Variants in SMCO4 observed in about 807,000 individuals in gnomAD.
SMCO4 encodes the protein single-pass membrane protein with coiled-coil domains 4, also known as single-pass membrane and coiled-coil domain-containing protein 4.
In SMCO4, 4 loss-of-function variants were observed where a neutral mutation model predicts 3.6. The observed-to-expected ratio is 1.11, with a 90% CI of 0.54 to 2.53. The LOEUF is 2.53. Among genes scored for constraint, SMCO4 ranks in the 30% most tolerant of loss-of-function variants. SMCO4 has a pLI of 0.02. For synonymous variants in SMCO4, 36 were observed against 35.3 expected (o/e 1.02, Z -0.07); for missense variants, 70 against 80.8 (o/e 0.87, Z 0.51).
intron 1 of SMCO4, among the ~76,000 whole-genome samples, chr11:93,505,500 C>A (rs1462273853): frequency 1.3e-5 from 2 of 152,134 alleles, no homozygotes; most frequent in African/African-American, 4.8e-5. Context: ...GTTTCCTCAT[C>A]TGTAAAAATG....
Position 93,531,673 on chromosome 11 carries a change from T to C in SMCO4, c.-154+11603A>G, listed in dbSNP as rs539745662. ...TAATATATTGTACACTTAAAAATGG[T>C]TAAGATGGTAAATTTTATGGGGTTT... On this transcript the variant is annotated intron_variant, in intron 1 of 2. Coordinates refer to ENST00000298966, the MANE Select transcript of SMCO4 (RefSeq NM_020179.3). 7.3e-4 allele frequency among the ~76,000 whole-genome samples: 111 copies of C among 152,272 alleles called. No individual in the cohort carries two copies. The South Asian group carries it at 0.023, about 32-fold the overall frequency.
intron 1 of SMCO4, among the ~76,000 whole-genome samples, chr11:93,530,878 A>G (rs1031898239): frequency 1.1e-4 from 17 of 152,150 alleles, no homozygotes; most frequent in African/African-American, 4.1e-4. Flanking sequence ...CCACTTTTTC[A>G]GCAGTCACCA....
intron 1 of SMCO4, among the ~76,000 whole-genome samples, chr11:93,537,122 C>A (rs1483965121): frequency 6.6e-6 from 1 of 152,250 alleles, no homozygotes; most frequent in African/African-American, 2.4e-5. Flanking sequence ...AAGCCAAAAC[C>A]GGAATCAAGA....
At chr11:93,511,234 G>A (rs1414367195) in intron 1 of SMCO4, among the ~76,000 whole-genome samples, 10 of 152,078 alleles carry the variant, frequency 6.6e-5, no homozygotes, top group Non-Finnish European at 1.5e-4. Context: ...AGGGATAGAC[G>A]ATTCAGCCAA....
At chr11:93,520,853 C>CA (rs1292950776) in intron 1 of SMCO4, among the ~76,000 whole-genome samples, 1 of 151,512 alleles carries the variant, frequency 6.6e-6, no homozygotes, top group African/African-American at 2.4e-5. Context: ...TTCAGCATGT[C>CA]ACGTATTTTC....
chr11:93,479,789 G>A (rs1474374001), intron 2 of SMCO4, among the ~76,000 whole-genome samples: 3 of 152,120 alleles, frequency 2.0e-5, no homozygotes, highest in African/African-American at 4.8e-5. Context: ...CTCTTTGTTG[G>A]TTCCTTGGCC....
At chr11:93,509,088 G>C (rs187661341) in intron 1 of SMCO4, among the ~76,000 whole-genome samples, 1 of 151,946 alleles carries the variant, frequency 6.6e-6, no homozygotes, top group Admixed American at 6.5e-5. Context: ...CCAGGAGTTT[G>C]AGACCAGCCT....
At chr11:93,529,647 G>A (rs932233554) in intron 1 of SMCO4, among the ~76,000 whole-genome samples, 1 of 152,024 alleles carries the variant, frequency 6.6e-6, no homozygotes, top group South Asian at 2.1e-4. Flanking sequence ...TTCCTTTGGA[G>A]GCAAAAAGGA....
intron 1 of SMCO4, among the ~76,000 whole-genome samples, chr11:93,532,114 G>T (rs867497892): frequency 2.0e-5 from 3 of 152,050 alleles, no homozygotes; most frequent in African/African-American, 4.8e-5. Flanking sequence ...TGTCACAGGC[G>T]CATGTCAAAA....
chr11:93,530,103 C>T (rs1949148048), intron 1 of SMCO4, among the ~76,000 whole-genome samples: 1 of 152,224 alleles, frequency 6.6e-6, no homozygotes, highest in Non-Finnish European at 1.5e-5. Flanking sequence ...CCTGGAAGCC[C>T]AGAAGAATCC....
chr11:93,484,663 T>G (rs1948627677), intron 2 of SMCO4, among the ~76,000 whole-genome samples: 1 of 151,486 alleles, frequency 6.6e-6, no homozygotes, highest in Admixed American at 6.6e-5. Flanking sequence ...GAGATGTACA[T>G]GAATCTGGGA....
chr11:93,480,350 C>G (rs554826075), intron 2 of SMCO4, among the ~76,000 whole-genome samples: 1 of 152,170 alleles, frequency 6.6e-6, no homozygotes, highest in Non-Finnish European at 1.5e-5. Flanking sequence ...GCCGAGCCAC[C>G]ATGACCACCC....
chr11:93,544,694 C>T (rs12289503), upstream of SMCO4, among the ~76,000 whole-genome samples: 8,155 of 151,990 alleles, frequency 0.054, 278 homozygotes, highest in Middle Eastern at 0.058. Context: ...GGCAGCAATG[C>T]AGTAGAGTGG....
intron 1 of SMCO4, among the ~76,000 whole-genome samples, chr11:93,500,017 TAA>T (rs1332862106): frequency 2.6e-5 from 4 of 152,074 alleles, no homozygotes; most frequent in Admixed American, 2.6e-4. Flanking sequence ...GCAAAATAAA[TAA>T]GAGTTCCCTT....
At chr11:93,489,573 G>C (rs968363600) in intron 2 of SMCO4, among the ~76,000 whole-genome samples, 1 of 152,172 alleles carries the variant, frequency 6.6e-6, no homozygotes, top group Non-Finnish European at 1.5e-5. Flanking sequence ...CGCAGGTGTA[G>C]GCATAGAAAA....
upstream of SMCO4, among the ~76,000 whole-genome samples, chr11:93,545,069 T>A (rs1407319332): frequency 3.9e-5 from 6 of 152,168 alleles, no homozygotes; most frequent in Non-Finnish European, 8.8e-5. Context: ...CCTCAAGGTT[T>A]AAATTGGGGC....
chr11:93,541,210 G>A (rs1949268273), intron 1 of SMCO4, among the ~76,000 whole-genome samples: 1 of 152,236 alleles, frequency 6.6e-6, no homozygotes, highest in Non-Finnish European at 1.5e-5. Flanking sequence ...GTCAAGGCCA[G>A]CTTATGACCA....
chr11:93,481,499 C>T lies in SMCO4; in HGVS notation c.-80-2230G>A, dbSNP rs565056459. 212 of 985,390 alleles carry T rather than the reference C, an allele frequency of 2.2e-4. No individual in the cohort carries two copies. The African/African-American group carries it at 3.6e-3, about 17-fold the overall frequency. The allele number at this position is 985,390 out of a possible 1,614,324, so 61.0% of individuals were successfully genotyped here. A position where few individuals can be genotyped will look rare whatever the true frequency, so the allele number is the denominator to read the frequency against. On this transcript the variant is annotated intron_variant, in intron 2 of 2. Transcript: ENST00000298966. ...TCAGGGCTTGGCACAGAGCGGGCGG[C>T]GAATTCGTGCTAGCTGACATACCAA...
chr11:93,549,615 A>ATTTG, the SMCO4 span, among the ~76,000 whole-genome samples: 86,958 of 131,190 alleles, frequency 0.66, 25,215 homozygotes, highest in Admixed American at 0.73. Flanking sequence ...TGCTTAACTA[A>ATTTG]TTTATTTATT....
Sources: allele counts gnomAD v4.1 joint callset (sites outside exome capture counted in the v4.1 genomes callset), GRCh38; gene constraint gnomAD v4.1.1; transcripts MANE v1.5; gene names NCBI Gene and HGNC (gene_info 2026-07-23, HGNC 2026-07-21).